RAB6B: variants seen among roughly 807,000 people sequenced by gnomAD.
The protein encoded by RAB6B is RAB6B, member RAS oncogene family.
In RAB6B, 7 loss-of-function variants were observed where a neutral mutation model predicts 31.2. That is an observed-to-expected ratio of 0.22 (90% CI 0.13 to 0.42). The LOEUF is 0.42. Among genes scored for constraint, RAB6B ranks in the 10% least tolerant of loss-of-function variants. The pLI, the probability that RAB6B is intolerant of heterozygous loss-of-function variation, is 1.00. For synonymous variants in RAB6B, 105 were observed against 104.9 expected, an observed-to-expected ratio of 1.00 and a Z score of -0.01; for missense variants, 149 against 280.6, an observed-to-expected ratio of 0.53 and a Z score of 3.35.
chr3:133,878,375 G>A (rs558286550), intron 1 of RAB6B, among the ~76,000 whole-genome samples: 2 of 152,298 alleles, frequency 1.3e-5, no homozygotes, highest in African/African-American at 4.8e-5. Context: ...AGAAGGCAAT[G>A]GTGCAATATC....
intron 1 of RAB6B, among the ~76,000 whole-genome samples, chr3:133,888,835 A>T (rs574483860): frequency 1.6e-4 from 25 of 152,246 alleles, no homozygotes; most frequent in African/African-American, 5.8e-4. Context: ...CAAAGACTGG[A>T]CTGGCATTCC....
rs1026545773 is a variant in RAB6B at position 133,862,107 on chromosome 3, G to C, written c.129+2477C>G. ...TACCATTTTTAAGAGCACTGGGAAAGGAATTCCACCTGCTGCAATATTGAA... is the reference window on the plus strand; with the variant it reads ...TACCATTTTTAAGAGCACTGGGAAACGAATTCCACCTGCTGCAATATTGAA... On this transcript the variant is annotated intron_variant, in intron 2 of 7. Coordinates refer to ENST00000285208, the MANE Select transcript of RAB6B (RefSeq NM_016577.4). Among the ~76,000 whole-genome samples, 5 of 151,166 alleles carry C rather than the reference G, an allele frequency of 3.3e-5. 1 individual carries two copies. In the South Asian group the frequency reaches 6.3e-4, roughly 19 times the overall value.
intron 1 of RAB6B, among the ~76,000 whole-genome samples, chr3:133,874,959 C>T (rs552637457): frequency 6.6e-6 from 1 of 152,314 alleles, no homozygotes; most frequent in East Asian, 1.9e-4. Context: ...ACACACGGCG[C>T]TGTCATTTCC....
At chr3:133,841,924 A>G (rs1464097424) in intron 2 of RAB6B, among the ~76,000 whole-genome samples, 1 of 152,136 alleles carries the variant, frequency 6.6e-6, no homozygotes, top group Non-Finnish European at 1.5e-5. Flanking sequence ...AAGCAGTGAG[A>G]GCGCAGTGGT....
chr3:133,846,395 T>C (rs943259385), intron 2 of RAB6B, among the ~76,000 whole-genome samples: 2 of 152,116 alleles, frequency 1.3e-5, no homozygotes, highest in African/African-American at 2.4e-5. Flanking sequence ...TGCAGTGAGC[T>C]GAGATCGCAC....
chr3:133,832,306 G>T (rs1329016810), intron 7 of RAB6B, among the ~76,000 whole-genome samples: 1 of 152,130 alleles, frequency 6.6e-6, no homozygotes, highest in Non-Finnish European at 1.5e-5. Flanking sequence ...CCAGTGGAGG[G>T]TGCTGCTGGG....
chr3:133,837,787 C>T (rs1324714675), intron 6 of RAB6B, among the ~76,000 whole-genome samples: 2 of 152,240 alleles, frequency 1.3e-5, no homozygotes, highest in African/African-American at 4.8e-5. Flanking sequence ...ACCCCAAATG[C>T]TGATCAGATT....
intron 1 of RAB6B, among the ~76,000 whole-genome samples, chr3:133,883,705 G>C (rs1244793871): frequency 2.0e-5 from 3 of 152,246 alleles, no homozygotes; most frequent in African/African-American, 4.8e-5. Context: ...AGTCTATGCA[G>C]TGTTTATTCC....
chr3:133,827,753 C>G lies in RAB6B; in HGVS notation c.*1035G>C, dbSNP rs888856344. On this transcript the variant is annotated 3_prime_UTR_variant, in exon 8 of 8. Coordinates refer to ENST00000285208, the MANE Select transcript of RAB6B (RefSeq NM_016577.4). ...GGTGGTTCTGCAGACAACACCCCCC[C>G]CCCCCCCCGCCTCCCCATCACAGAG... 3.1e-4 allele frequency: 28 copies of G among 89,900 alleles called. 5 individuals carry two copies. Among genetic ancestry groups the G allele is most frequent in the Middle Eastern group, 6.1e-3 (2 of 328 alleles). 5.6% of individuals were successfully genotyped at this position (89,900 alleles called of 1,614,324 possible). A position where few individuals can be genotyped will look rare whatever the true frequency, so the allele number is the denominator to read the frequency against.
chr3:133,865,232 G>A (rs1361514567), intron 1 of RAB6B, among the ~76,000 whole-genome samples: 1 of 152,178 alleles, frequency 6.6e-6, no homozygotes, highest in Admixed American at 6.5e-5. Context: ...CTGGAACCCC[G>A]CTAGGTAAAT....
At chr3:133,855,416 T>C (rs1936060863) in intron 2 of RAB6B, among the ~76,000 whole-genome samples, 1 of 152,248 alleles carries the variant, frequency 6.6e-6, no homozygotes, top group Non-Finnish European at 1.5e-5. Flanking sequence ...TGGCTTGTAC[T>C]TTAGTCACCA....
rs560006430 is a variant in RAB6B, at chr3:133,840,579, T to C, written c.289+706A>G. 2.0e-5 allele frequency among the ~76,000 whole-genome samples: 3 copies of C among 152,274 alleles called. No homozygotes were observed. In the South Asian group the frequency reaches 6.2e-4, roughly 32 times the overall value. On this transcript the variant is annotated intron_variant, in intron 4 of 7. Coordinates refer to ENST00000285208, the MANE Select transcript of RAB6B (RefSeq NM_016577.4). ...CCAGCGCGGGGACATGCATGCTTCC[T>C]TGTGTGATTTTTAAGGCTGTGGACA...
chr3:133,880,896 C>A (rs1462854700), intron 1 of RAB6B, among the ~76,000 whole-genome samples: 1 of 152,178 alleles, frequency 6.6e-6, no homozygotes, highest in East Asian at 1.9e-4. Flanking sequence ...GTAGTGATGG[C>A]CTTTCCAGTG....
intron 2 of RAB6B, among the ~76,000 whole-genome samples, chr3:133,859,048 G>A (rs1173380285): frequency 6.6e-6 from 1 of 152,136 alleles, no homozygotes; most frequent in Admixed American, 6.5e-5. Context: ...GCATGATCAT[G>A]GCTCACTGCA....
At chr3:133,891,134 GGGGTCAGGAT>G (rs1357267225) in intron 1 of RAB6B, among the ~76,000 whole-genome samples, 1 of 152,174 alleles carries the variant, frequency 6.6e-6, no homozygotes, top group African/African-American at 2.4e-5. Flanking sequence ...TGGGAGGGCA[GGGGTCAGGAT>G]GGGTCAGGCT....
intron 2 of RAB6B, among the ~76,000 whole-genome samples, chr3:133,849,731 G>A (rs1186894090): frequency 6.6e-6 from 1 of 152,112 alleles, no homozygotes; most frequent in East Asian, 1.9e-4. Flanking sequence ...ATATTTCTGG[G>A]GGTCACAAAC....
At chr3:133,837,103 C>T (rs1279622037) in intron 6 of RAB6B, among the ~76,000 whole-genome samples, 1 of 152,008 alleles carries the variant, frequency 6.6e-6, no homozygotes, top group Non-Finnish European at 1.5e-5. Context: ...CCTGCAGCCA[C>T]ACCTTTGCTG....
At chr3:133,884,042 C>A (rs1247094996) in intron 1 of RAB6B, among the ~76,000 whole-genome samples, 1 of 138,790 alleles carries the variant, frequency 7.2e-6, no homozygotes, top group Admixed American at 7.0e-5. Flanking sequence ...GAGGGGGCAG[C>A]TCTCCTTACC....
intron 2 of RAB6B, among the ~76,000 whole-genome samples, chr3:133,862,371 CA>C (rs1936172277): frequency 1.3e-5 from 2 of 152,190 alleles, no homozygotes; most frequent in Admixed American, 1.3e-4. Flanking sequence ...TGGCCTCAGC[CA>C]AGCACAGAGC....
Sources: gnomAD v4.1 joint callset for allele counts (sites outside exome capture counted in the v4.1 genomes callset) on GRCh38, gnomAD v4.1.1 for gene constraint, MANE v1.5 for transcripts, NCBI Gene and HGNC (gene_info 2026-07-23, HGNC 2026-07-21) for gene names.